Variants in ZNF264 observed in about 807,000 individuals in gnomAD.
ZNF264 encodes zinc finger protein 264.
Under a neutral mutation model 11.2 loss-of-function variants are expected in ZNF264, and 11 were observed. That is an observed-to-expected ratio of 0.98 (90% CI 0.62 to 1.63). The LOEUF (loss-of-function observed/expected upper bound fraction) is 1.63, where lower values mean the gene tolerates loss of function less well. ZNF264 is among the 40% of genes most tolerant of loss of function. ZNF264 has a pLI of 0.00. For synonymous variants in ZNF264, 309 were observed against 279.8 expected (o/e 1.10, Z -1.04); for missense variants, 752 against 768.1 (o/e 0.98, Z 0.25).
chr19:57,195,058 C>T (rs923379487), intron 2 of ZNF264: 1 of 361,070 alleles, frequency 2.8e-6, no homozygotes, highest in East Asian at 4.0e-5. Context: ...GGGCCAGGCA[C>T]CTAGCTGGAC....
chr19:57,202,648 C>G (rs2087261690), intron 2 of ZNF264, among the ~76,000 whole-genome samples: 1 of 151,794 alleles, frequency 6.6e-6, no homozygotes, highest in South Asian at 2.1e-4. Flanking sequence ...AGTGAGCTTC[C>G]AGGTGGTCCC....
chr19:57,205,453 T>C lies in ZNF264; in HGVS notation c.217T>C (p.Trp73Arg), dbSNP rs1193545259. 6 of 1,612,464 alleles carry C rather than the reference T, an allele frequency of 3.7e-6. No homozygotes were observed. The highest frequency in any genetic ancestry group is 5.1e-6 in the Non-Finnish European group (6 of 1,179,366). ...ICHLEHGQEP[W>R]TRKEDLSQDT... ...CCACCTAGAGCATGGGCAGGAGCCATGGACCAGGAAGGAAGACCTCTCCCA... is the reference window on the plus strand; with the variant it reads ...CCACCTAGAGCATGGGCAGGAGCCACGGACCAGGAAGGAAGACCTCTCCCA... The change falls in exon 3 of 4, where the codon TGG becomes CGG. Residue 73 changes from tryptophan to arginine, a missense_variant. Trp to Arg is a moderately radical substitution (Grantham distance 101, BLOSUM62 -3). Transcript: ENST00000263095.
Position 57,212,725 on chromosome 19 carries a change from A to G in ZNF264, c.1628A>G (p.Glu543Gly). ...HTGEKPYKCS[E>G]CGKAFSRSSS... is the part of the protein sequence containing the mutation. ...GGAGAGAAGCCCTATAAATGTAGTGAATGTGGAAAGGCCTTCAGTCGCAGC... is the reference window on the plus strand; with the variant it reads ...GGAGAGAAGCCCTATAAATGTAGTGGATGTGGAAAGGCCTTCAGTCGCAGC... The change falls in exon 4 of 4, where the codon GAA becomes GGA. Residue 543 changes from glutamate (E) to glycine (G), a missense_variant. Transcript: ENST00000263095. The G allele has an allele frequency of 6.2e-7, 1 of 1,614,232 alleles. No homozygotes were observed. The highest frequency in any genetic ancestry group is 8.5e-7 in the Non-Finnish European group (1 of 1,180,034).
Position 57,193,928 on chromosome 19 carries a change from G to A in ZNF264, c.87G>A (p.Gly29=), listed in dbSNP as rs758276009. 53 of 1,613,964 alleles carry A rather than the reference G, an allele frequency of 3.3e-5. No homozygotes were observed. Among genetic ancestry groups the A allele is most frequent in the Non-Finnish European group, 4.4e-5 (52 of 1,179,966 alleles). Residue 29 remains glycine (G), a synonymous_variant, in exon 2 of 4, where the codon GGG becomes GGA. Transcript: ENST00000263095. ...VAVTFTKEEW[G]QLDLAQRTLY... ...TGACTTTCACCAAGGAGGAGTGGGG[G>A]CAGCTGGACCTAGCTCAGCGGACCC...
Position 57,211,841 on chromosome 19 carries a change from A to G in ZNF264, c.744A>G (p.Gln248=), listed in dbSNP as rs913789806. ...TTATTAAGAGCACACATCTCCTGCA[A>G]CATCACATGATCCACACTGGGGAGA... ...KTFIKSTHLL[Q]HHMIHTGERP... is the part of the protein sequence containing the mutation. Residue 248 remains glutamine (Q), a synonymous_variant, in exon 4 of 4, where the codon CAA becomes CAG. Coordinates refer to ENST00000263095, the MANE Select transcript of ZNF264 (RefSeq NM_003417.5). 1 of 1,614,162 alleles carries G rather than the reference A, an allele frequency of 6.2e-7. No homozygotes were observed. The highest frequency in any genetic ancestry group is 1.7e-5 in the Admixed American group (1 of 60,026).
rs1340843038 is a variant in ZNF264, at chr19:57,217,100, T to C, written c.*4119T>C. 2 of 152,218 alleles carry C rather than the reference T, an allele frequency of 1.3e-5. No homozygotes were observed. The highest frequency in any genetic ancestry group is 2.4e-5 in the African/African-American group (1 of 41,452). The allele number at this position is 152,218 out of a possible 1,614,324, so 9.4% of individuals were successfully genotyped here. A position where few individuals can be genotyped will look rare whatever the true frequency, so the allele number is the denominator to read the frequency against. On this transcript the variant is annotated 3_prime_UTR_variant, in exon 4 of 4. Coordinates refer to ENST00000263095, the MANE Select transcript of ZNF264 (RefSeq NM_003417.5). The stretch of plus-strand genomic sequence containing the variant: ...AAATCATCTAACACAAGGCCTACTT[T>C]ATAATAAAGTTACTGCAAAGAATTT...
intron 3 of ZNF264, among the ~76,000 whole-genome samples, chr19:57,206,129 G>A (rs1441802866): frequency 6.6e-6 from 1 of 152,210 alleles, no homozygotes; most frequent in African/African-American, 2.4e-5. Context: ...ATTTGGCTTG[G>A]GTCCATGGGA....
chr19:57,205,405 G>T lies in ZNF264; in HGVS notation c.169G>T (p.Val57Phe), dbSNP rs2122753274. The change falls in exon 3 of 4, where the codon GTT becomes TTT. Residue 57 changes from valine to phenylalanine, a missense_variant. Transcript: ENST00000263095. ...CGLLVSLGCPVPKAELICHLE... is the reference protein window; with the variant it reads ...CGLLVSLGCPFPKAELICHLE... ...GCTTTCTCCATAAACAGGGTGTCCT[G>T]TTCCCAAAGCTGAGCTGATCTGCCA... 1 of 1,609,910 alleles carries T rather than the reference G, an allele frequency of 6.2e-7. No individual in the cohort carries two copies.
At chr19:57,211,245 C>A in intron 3 of ZNF264, 109 bp from the exon 4 acceptor site, 6 of 1,116,016 alleles carry the variant, frequency 5.4e-6, no homozygotes, top group Non-Finnish European at 7.4e-6. Context: ...CAGAAAATAG[C>A]AACACAGAGG....
At chr19:57,192,367 G>C in intron 1 of ZNF264, 1 of 985,392 alleles carries the variant, frequency 1.0e-6, no homozygotes, top group African/African-American at 1.7e-5. Flanking sequence ...CGGCCGCTGA[G>C]ACGTGGAGGG....
chr19:57,204,397 A>G (rs780078648), intron 2 of ZNF264, among the ~76,000 whole-genome samples: 1 of 152,116 alleles, frequency 6.6e-6, no homozygotes, highest in Non-Finnish European at 1.5e-5. Context: ...TTGAATTGTA[A>G]TAATCCCCAT....
chr19:57,220,189 G>A lies in ZNF264; in HGVS notation c.*7208G>A, dbSNP rs1196135932. On this transcript the variant is annotated 3_prime_UTR_variant, in exon 4 of 4. Coordinates refer to ENST00000263095, the MANE Select transcript of ZNF264 (RefSeq NM_003417.5). ...AACCACTTTATTGCTTCTCATGTTG[G>A]GGGGTTTGTTTTCTGGTCACTATTT... 1.3e-5 allele frequency: 2 copies of A among 152,154 alleles called. No individual in the cohort carries two copies. The highest frequency in any genetic ancestry group is 4.8e-5 in the African/African-American group (2 of 41,424). 9.4% of individuals were successfully genotyped at this position (152,154 alleles called of 1,614,324 possible). A position where few individuals can be genotyped will look rare whatever the true frequency, so the allele number is the denominator to read the frequency against.
chr19:57,211,710 T>C lies in ZNF264; in HGVS notation c.613T>C (p.Cys205Arg), dbSNP rs1360562942. 1.9e-6 allele frequency: 3 copies of C among 1,614,158 alleles called. No homozygotes were observed. Among genetic ancestry groups the C allele is most frequent in the Middle Eastern group, 1.7e-4 (1 of 6,060 alleles). Reference sequence around the variant, plus strand: ...TCAGGAAGAGGAAAATAACTTTAAATGCAGTGAATGTGGAAAAGTATTTAA... The same window carrying C: ...TCAGGAAGAGGAAAATAACTTTAAACGCAGTGAATGTGGAAAAGTATTTAA... Reference protein sequence around the residue: ...MIQEEENNFKCSECGKVFNKK... With the variant: ...MIQEEENNFKRSECGKVFNKK... The change falls in exon 4 of 4, where the codon TGC (cysteine) becomes CGC (arginine). Residue 205 changes from cysteine to arginine, a missense_variant. Coordinates refer to ENST00000263095, the MANE Select transcript of ZNF264 (RefSeq NM_003417.5).
At chr19:57,200,526 T>TC (rs2087243786) in intron 2 of ZNF264, among the ~76,000 whole-genome samples, 1 of 130,376 alleles carries the variant, frequency 7.7e-6, no homozygotes, top group African/African-American at 3.5e-5. Flanking sequence ...TGTCTTTTTC[T>TC]TTGTCTTTGT....
Position 57,211,636 on chromosome 19 carries a change from AT to A in ZNF264, c.540del (p.Asp180GlufsTer16). 6.2e-7 allele frequency: 1 copy of A among 1,614,174 alleles called. No homozygotes were observed. Among genetic ancestry groups the A allele is most frequent in the Non-Finnish European group, 8.5e-7 (1 of 1,180,018 alleles). ...GGACAGGAGCAAGTCTCTCCAGGAGATAGAGTCCGTAGCCATAACTCATGTG... is the reference window on the plus strand; with the variant it reads ...GGACAGGAGCAAGTCTCTCCAGGAGAAGAGTCCGTAGCCATAACTCATGTG... ...RIGQEQVSPG[D>X]RVRSHNSCES... On this transcript the variant is annotated frameshift_variant, in exon 4 of 4. Coordinates refer to ENST00000263095, the MANE Select transcript of ZNF264 (RefSeq NM_003417.5). LOFTEE classifies it low-confidence loss of function (END_TRUNC).
intron 3 of ZNF264, among the ~76,000 whole-genome samples, chr19:57,208,099 T>C (rs1186934906): frequency 6.6e-6 from 1 of 152,142 alleles, no homozygotes; most frequent in Non-Finnish European, 1.5e-5. Context: ...AAGCAGTCCA[T>C]CTGCTTCGGC....
At position 57,222,465 on chromosome 19, in the gene ZNF264, CAG is replaced by C. The variant is rs772695578; in HGVS notation, c.*9491_*9492del. The stretch of plus-strand genomic sequence containing the variant: ...GATTTAATTTAGTGATGAAAAGGTA[CAG>C]AGAGAGTCTTTCAAGAAAGGACCTA... On this transcript the variant is annotated 3_prime_UTR_variant, in exon 4 of 4. Coordinates refer to ENST00000263095, the MANE Select transcript of ZNF264 (RefSeq NM_003417.5). 12 of 151,294 alleles carry C rather than the reference CAG, an allele frequency of 7.9e-5. No homozygotes were observed. Among genetic ancestry groups the C allele is most frequent in the Admixed American group, 1.3e-4 (2 of 15,122 alleles). The allele number at this position is 151,294 out of a possible 1,614,324, so 9.4% of individuals were successfully genotyped here. A position where few individuals can be genotyped will look rare whatever the true frequency, so the allele number is the denominator to read the frequency against.
intron 2 of ZNF264, among the ~76,000 whole-genome samples, chr19:57,203,924 C>A (rs1445004852): frequency 1.3e-5 from 2 of 152,012 alleles, no homozygotes; most frequent in Non-Finnish European, 2.9e-5. Context: ...CGGTTGCTTA[C>A]GCCTGTAATC....
At chr19:57,209,942 G>A (rs2087322339) in intron 3 of ZNF264, among the ~76,000 whole-genome samples, 1 of 151,890 alleles carries the variant, frequency 6.6e-6, no homozygotes, top group Non-Finnish European at 1.5e-5. Flanking sequence ...TCATGTGTAT[G>A]GTGCTAATCT....
Sources: allele counts gnomAD v4.1 joint callset (sites outside exome capture counted in the v4.1 genomes callset), GRCh38; gene constraint gnomAD v4.1.1; transcripts MANE v1.5; gene names NCBI Gene and HGNC (gene_info 2026-07-23, HGNC 2026-07-21).